Variants in PALB2 observed in about 807,000 individuals in gnomAD.
PALB2 encodes the protein partner and localizer of BRCA2.
PALB2 carries 82 observed loss-of-function variants against 107.4 expected under a neutral mutation model. That is an observed-to-expected ratio of 0.76 (90% CI 0.64 to 0.92). The LOEUF (loss-of-function observed/expected upper bound fraction) is 0.92, where lower values mean the gene tolerates loss of function less well. Ranked by LOEUF, PALB2 falls within the 40% of genes least tolerant of loss-of-function variation. PALB2 has a pLI of 0.00. For missense variants in PALB2, 1,374 were observed against 1,379.9 expected (o/e 1.00, Z 0.07); for synonymous variants, 489 against 496.8 (o/e 0.98, Z 0.21).
intron 11 of PALB2, 47 bp downstream of exon 11, chr16:23,613,957 G>A (rs1266883079): frequency 7.0e-7 from 1 of 1,419,936 alleles, no homozygotes; most frequent in African/African-American, 1.4e-5. Context: ...CTCACTTAAT[G>A]AGACCAACAG....
intron 11 of PALB2, among the ~76,000 whole-genome samples, chr16:23,609,796 G>T (rs1204256507): frequency 6.6e-6 from 1 of 152,130 alleles, no homozygotes; most frequent in Non-Finnish European, 1.5e-5. Context: ...GATTACAGGC[G>T]TGAGCCACCG....
chr16:23,604,965 T>C (rs1966440798), intron 12 of PALB2, among the ~76,000 whole-genome samples: 1 of 151,802 alleles, frequency 6.6e-6, no homozygotes, highest in African/African-American at 2.4e-5. Context: ...TCCCAGCTAC[T>C]AGGGGGGCTG....
chr16:23,623,353 C>T (rs1000967610), intron 8 of PALB2, among the ~76,000 whole-genome samples: 2 of 151,522 alleles, frequency 1.3e-5, no homozygotes, highest in Non-Finnish European at 2.9e-5. Flanking sequence ...TAGGTGCGCA[C>T]CACCACACCT....
intron 1 of PALB2, chr16:23,638,670 G>A: frequency 5.3e-6 from 2 of 378,898 alleles, no homozygotes; most frequent in Non-Finnish European, 1.1e-5. Flanking sequence ...CATACAGTGA[G>A]GGAGACAGAT....
rs1060502788 is a variant in PALB2, at chr16:23,635,498, G to C, written c.1048C>G (p.Gln350Glu). The C allele has an allele frequency of 6.2e-7, 1 of 1,613,946 alleles. No individual in the cohort carries two copies. The highest frequency in any genetic ancestry group is 8.5e-7 in the Non-Finnish European group (1 of 1,179,936). The change falls in exon 4 of 13, where the codon CAA becomes GAA. Residue 350 changes from glutamine (Q) to glutamate (E), a missense_variant. Transcript: ENST00000261584. ...GGAGATTTTAAAGATTTCTCTGTTT[G>C]ATTTTGTTCTTTTAAGTTTTGGTTT... ...NENQNLKEQN[Q>E]TEKSLKSPSD...
rs906858995 is a variant in PALB2 at position 23,630,179 on chromosome 16, G to C, written c.1975C>G (p.Leu659Val). The change falls in exon 5 of 13, where the codon CTG becomes GTG. Residue 659 changes from leucine to valine, a missense_variant. Coordinates refer to ENST00000261584, the MANE Select transcript of PALB2 (RefSeq NM_024675.4). ...KEGSCIFPEE[L>V]SPKRMDTEME... The stretch of plus-strand genomic sequence containing the variant: ...TCTGTATCCATGCGTTTAGGACTCA[G>C]TTCCTCTGGAAAAATACAGCTTCCC... The C allele has an allele frequency of 1.2e-6, 2 of 1,614,048 alleles. No individual in the cohort carries two copies. The highest frequency in any genetic ancestry group is 2.7e-5 in the African/African-American group (2 of 74,922).
intron 3 of PALB2, among the ~76,000 whole-genome samples, chr16:23,636,737 T>C (rs1235035001): frequency 6.6e-6 from 1 of 152,204 alleles, no homozygotes; most frequent in Non-Finnish European, 1.5e-5. Flanking sequence ...TATCACACAA[T>C]CTCTTCTCTT....
intron 1 of PALB2, among the ~76,000 whole-genome samples, chr16:23,639,617 C>G (rs1967159686): frequency 6.6e-6 from 1 of 150,918 alleles, no homozygotes; most frequent in African/African-American, 2.4e-5. Context: ...GTCAGGAGTT[C>G]AAAACCAGCC....
chr16:23,608,191 TTACTGGACTGGAC>T (rs1966517174), intron 11 of PALB2, among the ~76,000 whole-genome samples, 179 bp from the exon 12 acceptor site: 1 of 152,132 alleles, frequency 6.6e-6, no homozygotes, highest in Non-Finnish European at 1.5e-5. Flanking sequence ...GTTGAGATTA[TTACTGGACTGGAC>T]TTCTGGCTTC....
At chr16:23,603,748 G>A (rs1966410067) in intron 12 of PALB2, 79 bp from the exon 13 acceptor site, 2 of 1,359,622 alleles carry the variant, frequency 1.5e-6, no homozygotes, top group Non-Finnish European at 1.0e-6. Context: ...TCAAAACCAT[G>A]TTCCCAAAAC....
At chr16:23,627,493 CAAAAAAA>C (rs749429582) in intron 6 of PALB2, among the ~76,000 whole-genome samples, 2 of 54,714 alleles carry the variant, frequency 3.7e-5, no homozygotes, top group African/African-American at 1.4e-4. Flanking sequence ...GACTCCGTCT[CAAAAAAA>C]AAAAAAAAAA....
Position 23,640,712 on chromosome 16 carries a change from T to C in PALB2, c.48+398A>G, listed in dbSNP as rs548322552. On this transcript the variant is annotated intron_variant, in intron 1 of 12. Coordinates refer to ENST00000261584, the MANE Select transcript of PALB2 (RefSeq NM_024675.4). Reference sequence around the variant, plus strand: ...AAATATACATAGGATTCCTTTTTGGTGGTTAGGGATACGCCCCTCCTCCAC... The same window carrying C: ...AAATATACATAGGATTCCTTTTTGGCGGTTAGGGATACGCCCCTCCTCCAC... 36 of 260,892 alleles carry C rather than the reference T, an allele frequency of 1.4e-4. No individual in the cohort carries two copies. The highest frequency in any genetic ancestry group is 2.4e-4 in the Non-Finnish European group (33 of 135,572). The allele number at this position is 260,892 out of a possible 1,614,324, so 16.2% of individuals were successfully genotyped here. A position where few individuals can be genotyped will look rare whatever the true frequency, so the allele number is the denominator to read the frequency against.
chr16:23,613,314 G>C (rs2142295500), intron 11 of PALB2, among the ~76,000 whole-genome samples: 1 of 152,260 alleles, frequency 6.6e-6, no homozygotes, highest in South Asian at 2.1e-4. Context: ...CTGAGTAACT[G>C]TATTTATTTC....
intron 1 of PALB2, among the ~76,000 whole-genome samples, chr16:23,639,958 C>T (rs1450819212): frequency 6.6e-6 from 1 of 152,092 alleles, no homozygotes; most frequent in African/African-American, 2.4e-5. Flanking sequence ...CTCGGCAGCT[C>T]CCTGCAACCT....
At position 23,640,871 on chromosome 16, in the gene PALB2, C is replaced by T. The variant is rs1967216611; in HGVS notation, c.48+239G>A. 9.7e-6 allele frequency: 5 copies of T among 517,790 alleles called. No individual in the cohort carries two copies. The East Asian group carries it at 1.6e-4, about 16-fold the overall frequency. The allele number at this position is 517,790 out of a possible 1,614,324, so 32.1% of individuals were successfully genotyped here. A position where few individuals can be genotyped will look rare whatever the true frequency, so the allele number is the denominator to read the frequency against. On this transcript the variant is annotated intron_variant, in intron 1 of 12. Coordinates refer to ENST00000261584, the MANE Select transcript of PALB2 (RefSeq NM_024675.4). ...AAGGGTGTCGATACAGCTTTATCTA[C>T]AAACTGTTACACATTGTATTAATGC... is the stretch of plus-strand genomic sequence containing the variant.
In PALB2 at chr16:23,614,070, G is replaced by A. The variant is rs1966636406; in HGVS notation, c.3135C>T (p.Leu1045=). ...AATCATCAATGTGCATCTTTTTCAG[G>A]AGTTGACCAGTTTTTAAATTCCTTA... ...IVIWNLKTGQ[L]LKKMHIDDSY... is the part of the protein sequence containing the mutation. Residue 1045 remains leucine (L), a synonymous_variant, in exon 11 of 13, where the codon CTC becomes CTT. Transcript: ENST00000261584. 6.2e-7 allele frequency: 1 copy of A among 1,612,416 alleles called. No individual in the cohort carries two copies. The highest frequency in any genetic ancestry group is 8.5e-7 in the Non-Finnish European group (1 of 1,178,674).
intron 11 of PALB2, among the ~76,000 whole-genome samples, chr16:23,612,227 T>A (rs973742805): frequency 6.6e-6 from 1 of 152,156 alleles, no homozygotes; most frequent in African/African-American, 2.4e-5. Flanking sequence ...TTTATTTATT[T>A]ATTTATTTAT....
chr16:23,625,938 G>A (rs1425496918), intron 7 of PALB2, among the ~76,000 whole-genome samples: 1 of 151,984 alleles, frequency 6.6e-6, no homozygotes, highest in East Asian at 1.9e-4. Context: ...CCGTGATCAT[G>A]CCACTGCACT....
rs1003534559 is a variant in PALB2 at position 23,641,259 on chromosome 16, T to C, written c.-102A>G. ...GCCGGGGAGGCGCCCCAGGAAGGAATGGGGAGCCCGGGATCGCACCCTCAG... is the reference window on the plus strand; with the variant it reads ...GCCGGGGAGGCGCCCCAGGAAGGAACGGGGAGCCCGGGATCGCACCCTCAG... On this transcript the variant is annotated 5_prime_UTR_variant, in exon 1 of 13. Coordinates refer to ENST00000261584, the MANE Select transcript of PALB2 (RefSeq NM_024675.4). 7.5e-6 allele frequency: 11 copies of C among 1,466,420 alleles called. No homozygotes were observed. In the African/African-American group the frequency reaches 1.3e-4, roughly 17 times the overall value. The allele number at this position is 1,466,420 out of a possible 1,614,324, so 90.8% of individuals were successfully genotyped here.
Sources: allele counts gnomAD v4.1 joint callset (sites outside exome capture counted in the v4.1 genomes callset), GRCh38; gene constraint gnomAD v4.1.1; transcripts MANE v1.5; gene names NCBI Gene and HGNC (gene_info 2026-07-23, HGNC 2026-07-21).